The following TENM2 variants were observed in gnomAD, a reference collection of about 807,000 sequenced individuals.
TENM2 encodes teneurin-2.
In TENM2, 52 loss-of-function variants were observed where a neutral mutation model predicts 245.2. That is an observed-to-expected ratio of 0.21 (90% CI 0.17 to 0.27). TENM2 has a LOEUF of 0.27. TENM2 is among the 10% of genes least tolerant of loss of function. The pLI is 1.00. For missense variants in TENM2, 3,046 were observed against 3,666.8 expected, an observed-to-expected ratio of 0.83 and a Z score of 4.37; for synonymous variants, 1,363 against 1,438.9, an observed-to-expected ratio of 0.95 and a Z score of 1.19.
chr5:167,759,156 T>C (rs1165893389), intron 2 of TENM2, among the ~76,000 whole-genome samples: 11 of 148,166 alleles, frequency 7.4e-5, no homozygotes, highest in African/African-American at 2.8e-4. Context: ...TGACACATAC[T>C]AGATTACTTG....
chr5:167,604,309 T>C (rs1776867202), intron 2 of TENM2, among the ~76,000 whole-genome samples: 1 of 152,196 alleles, frequency 6.6e-6, no homozygotes, highest in Non-Finnish European at 1.5e-5. Context: ...AGCATAAGCC[T>C]TCACTTTTAG....
chr5:167,378,039 G>A (rs547392961), intron 2 of TENM2, among the ~76,000 whole-genome samples: 27 of 151,914 alleles, frequency 1.8e-4, no homozygotes, highest in Middle Eastern at 3.4e-3. Flanking sequence ...CTTTTCTGTG[G>A]GGTTCCATAT....
At chr5:167,916,244 T>C (rs903300619) in intron 3 of TENM2, among the ~76,000 whole-genome samples, 1 of 152,136 alleles carries the variant, frequency 6.6e-6, no homozygotes, top group African/African-American at 2.4e-5. Context: ...GGAAGCAAAA[T>C]ATTCTTTCTA....
intron 2 of TENM2, among the ~76,000 whole-genome samples, chr5:167,541,822 C>T (rs1772232275): frequency 6.6e-6 from 1 of 152,108 alleles, no homozygotes; most frequent in Non-Finnish European, 1.5e-5. Flanking sequence ...ATGACAGATA[C>T]ATAAGGCAAT....
intron 2 of TENM2, among the ~76,000 whole-genome samples, chr5:167,383,689 T>G (rs2127343429): frequency 7.3e-6 from 1 of 137,220 alleles, no homozygotes; most frequent in African/African-American, 2.7e-5. Flanking sequence ...ATCATGTCTC[T>G]AAGATATGAT....
chr5:168,251,719 C>T (rs145257219), intron 27 of TENM2, among the ~76,000 whole-genome samples: 17 of 152,270 alleles, frequency 1.1e-4, no homozygotes, highest in Middle Eastern at 3.4e-3. Flanking sequence ...AAGATGTAGT[C>T]GGGAGGAACA....
At chr5:167,525,083 T>G (rs1771018879) in intron 2 of TENM2, among the ~76,000 whole-genome samples, 2 of 152,060 alleles carry the variant, frequency 1.3e-5, no homozygotes, top group African/African-American at 4.8e-5. Context: ...TGTGTTGATC[T>G]TCCCAAACTG....
intron 2 of TENM2, among the ~76,000 whole-genome samples, chr5:167,803,010 C>A (rs757908700): frequency 6.6e-6 from 1 of 152,072 alleles, no homozygotes; most frequent in Non-Finnish European, 1.5e-5. Context: ...CAGGTAGATA[C>A]CAGCAGAGAC....
At chr5:167,913,331 G>A (rs1776691927) in intron 3 of TENM2, among the ~76,000 whole-genome samples, 1 of 152,172 alleles carries the variant, frequency 6.6e-6, no homozygotes, top group South Asian at 2.1e-4. Context: ...CGGTAAAGAA[G>A]CAAGTTTCAC....
chr5:167,019,542 C>G, the TENM2 span, among the ~76,000 whole-genome samples: 1 of 152,090 alleles, frequency 6.6e-6, no homozygotes, highest in African/African-American at 2.4e-5. Context: ...GCGATCTCTG[C>G]TCACTGCAAC....
intron 2 of TENM2, among the ~76,000 whole-genome samples, chr5:167,693,169 AT>A (rs1757540119): frequency 6.6e-6 from 1 of 152,158 alleles, no homozygotes; most frequent in Non-Finnish European, 1.5e-5. Context: ...TGCTCAATAA[AT>A]GCAAATATCA....
intron 12 of TENM2, among the ~76,000 whole-genome samples, chr5:168,150,365 C>T (rs557240580): frequency 5.9e-5 from 9 of 152,348 alleles, no homozygotes; most frequent in African/African-American, 2.2e-4. Context: ...CTGATTCGCA[C>T]ACACTGAACT....
intron 2 of TENM2, among the ~76,000 whole-genome samples, chr5:167,866,172 T>G (rs935395989): frequency 9.2e-5 from 14 of 152,184 alleles, no homozygotes; most frequent in African/African-American, 3.4e-4. Context: ...GTTCTTGAGA[T>G]GAGTCTTTAG....
intron 2 of TENM2, among the ~76,000 whole-genome samples, chr5:167,423,083 G>A (rs547031261): frequency 9.5e-5 from 14 of 146,710 alleles, no homozygotes; most frequent in Non-Finnish European, 1.5e-4. Flanking sequence ...ACTTGACACC[G>A]TACCTTCATT....
At chr5:168,072,318 C>T (rs1323289241) in intron 7 of TENM2, among the ~76,000 whole-genome samples, 1 of 152,138 alleles carries the variant, frequency 6.6e-6, no homozygotes, top group African/African-American at 2.4e-5. Context: ...ACCTTGACCC[C>T]AAGGCTCTGT....
chr5:167,318,467 G>A (rs1045760293), intron 1 of TENM2, among the ~76,000 whole-genome samples: 1 of 151,000 alleles, frequency 6.6e-6, no homozygotes, highest in Non-Finnish European at 1.5e-5. Flanking sequence ...TTTCCCCCAC[G>A]GTGTGAATAA....
intron 2 of TENM2, among the ~76,000 whole-genome samples, chr5:167,504,348 A>G (rs1769405093): frequency 6.6e-6 from 1 of 152,178 alleles, no homozygotes; most frequent in African/African-American, 2.4e-5. Flanking sequence ...CACTGTTACA[A>G]TAATTTATTA....
intron 2 of TENM2, among the ~76,000 whole-genome samples, chr5:167,830,898 C>CT (rs1339759890): frequency 1.3e-5 from 2 of 152,170 alleles, no homozygotes; most frequent in Non-Finnish European, 2.9e-5. Context: ...AAGGAAAACA[C>CT]TTTGAGAACC....
At chr5:167,646,202 T>TATATATATATATATATATGTTGTTTTC (rs1561634219) in intron 2 of TENM2, among the ~76,000 whole-genome samples, 60 of 105,366 alleles carry the variant, frequency 5.7e-4, no homozygotes, top group African/African-American at 3.5e-3. Flanking sequence ...GTTGTTTTCA[T>TATATATATATATATATATGTTGTTTTC]ATATATATAT....
Sources: allele counts gnomAD v4.1 joint callset (sites outside exome capture counted in the v4.1 genomes callset), GRCh38; gene constraint gnomAD v4.1.1; transcripts MANE v1.5; gene names NCBI Gene and HGNC (gene_info 2026-07-23, HGNC 2026-07-21).